Variants in CAMK1D observed in about 807,000 individuals in gnomAD.
CAMK1D encodes calcium/calmodulin dependent protein kinase ID.
In CAMK1D, 9 loss-of-function variants were observed where a neutral mutation model predicts 47.7. The ratio of observed to expected loss-of-function variants is 0.19; its 90% CI spans 0.11 to 0.33. The LOEUF is 0.33. Among genes scored for constraint, CAMK1D ranks in the 10% least tolerant of loss-of-function variants. The probability of loss-of-function intolerance (pLI) is 1.00; values close to 1 mark genes in which losing one functional copy is unlikely to be tolerated. For missense variants in CAMK1D, 291 were observed against 488.7 expected, an observed-to-expected ratio of 0.60 and a Z score of 3.81; for synonymous variants, 184 against 184.9, an observed-to-expected ratio of 0.99 and a Z score of 0.04.
intron 1 of CAMK1D, among the ~76,000 whole-genome samples, chr10:12,399,236 G>T (rs1839083639): frequency 6.6e-6 from 1 of 152,198 alleles, no homozygotes; most frequent in African/African-American, 2.4e-5. Flanking sequence ...GCTGGGCGTG[G>T]TGGCTCACAC....
chr10:12,353,864 G>C (rs147799184), intron 1 of CAMK1D, among the ~76,000 whole-genome samples: 45 of 152,220 alleles, frequency 3.0e-4, no homozygotes, highest in South Asian at 1.0e-3. Flanking sequence ...ATTTCTGTTG[G>C]TGTATTTGCC....
intron 1 of CAMK1D, among the ~76,000 whole-genome samples, chr10:12,532,348 C>T (rs1312761700): frequency 1.2e-4 from 18 of 150,026 alleles, no homozygotes; most frequent in South Asian, 2.1e-4. Context: ...GGCGGGATCT[C>T]GGCTCACTGC....
chr10:12,425,728 G>A (rs1840209089), intron 1 of CAMK1D, among the ~76,000 whole-genome samples: 1 of 152,246 alleles, frequency 6.6e-6, no homozygotes, highest in African/African-American at 2.4e-5. Context: ...AGCTCGCTGA[G>A]GTTAGTTGAG....
chr10:12,741,883 A>G (rs1371174489), intron 3 of CAMK1D, among the ~76,000 whole-genome samples: 2 of 152,058 alleles, frequency 1.3e-5, no homozygotes, highest in African/African-American at 4.8e-5. Context: ...GGACATTTAC[A>G]TCCTCTCATT....
At chr10:12,503,152 ATGCATG>A (rs1245946078) in intron 1 of CAMK1D, among the ~76,000 whole-genome samples, 1 of 152,174 alleles carries the variant, frequency 6.6e-6, no homozygotes, top group Non-Finnish European at 1.5e-5. Flanking sequence ...AGGTGAATAT[ATGCATG>A]TGCATGTGTG....
intron 2 of CAMK1D, 111 bp from the exon 3 acceptor site, chr10:12,666,625 G>C (rs1043811999): frequency 9.8e-6 from 8 of 813,062 alleles, no homozygotes; most frequent in African/African-American, 6.9e-5. Context: ...AAATCTTTTT[G>C]TTCAGGAGTT....
intron 3 of CAMK1D, among the ~76,000 whole-genome samples, chr10:12,688,633 G>A (rs1832749298): frequency 6.6e-6 from 1 of 152,092 alleles, no homozygotes; most frequent in South Asian, 2.1e-4. Flanking sequence ...AACGCTGGCA[G>A]CATTAGTTTA....
At chr10:12,734,559 TAC>T (rs1835092954) in intron 3 of CAMK1D, among the ~76,000 whole-genome samples, 3 of 147,674 alleles carry the variant, frequency 2.0e-5, no homozygotes, top group African/African-American at 7.6e-5. Flanking sequence ...TGTATATATA[TAC>T]ACATATGTGT....
chr10:12,389,005 A>G (rs1013768056), intron 1 of CAMK1D, among the ~76,000 whole-genome samples: 5 of 152,144 alleles, frequency 3.3e-5, no homozygotes, highest in African/African-American at 1.2e-4. Flanking sequence ...CCCGCAGCTG[A>G]TGGAGACACC....
chr10:12,458,413 AT>A lies in CAMK1D; in HGVS notation c.93-94805del, dbSNP rs529324046. Among the ~76,000 whole-genome samples the A allele has an allele frequency of 2.2e-3, 339 of 151,320 alleles. 1 individual carries two copies. The highest frequency in any genetic ancestry group is 4.2e-3 in the Non-Finnish European group (287 of 67,862). On this transcript the variant is annotated intron_variant, in intron 1 of 10. Transcript: ENST00000619168. ...TGTTCATCATGCATTTGCAAACAGT[AT>A]TTTTTTAATTTTATTTTTTAAAGAC...
intron 2 of CAMK1D, among the ~76,000 whole-genome samples, chr10:12,643,083 C>T (rs896804405): frequency 1.3e-5 from 2 of 152,116 alleles, no homozygotes; most frequent in Non-Finnish European, 2.9e-5. Context: ...CTCACTGCAA[C>T]CTCCGCCTCC....
intron 1 of CAMK1D, among the ~76,000 whole-genome samples, chr10:12,386,924 G>C (rs575679502): frequency 6.6e-6 from 1 of 152,038 alleles, no homozygotes; most frequent in South Asian, 2.1e-4. Flanking sequence ...TTACTCAGCC[G>C]GGCGCAGTAG....
At chr10:12,692,999 C>G (rs908301831) in intron 3 of CAMK1D, among the ~76,000 whole-genome samples, 1 of 152,178 alleles carries the variant, frequency 6.6e-6, no homozygotes, top group African/African-American at 2.4e-5. Flanking sequence ...ACATTTCAAT[C>G]AGTAGACTTT....
chr10:12,539,665 A>T (rs1283975047), intron 1 of CAMK1D, among the ~76,000 whole-genome samples: 31 of 152,210 alleles, frequency 2.0e-4, no homozygotes, highest in Admixed American at 2.0e-3. Flanking sequence ...CCCTGCAGGG[A>T]GAAATCTGTC....
intron 2 of CAMK1D, among the ~76,000 whole-genome samples, chr10:12,573,844 T>C (rs1043734351): frequency 2.3e-5 from 3 of 132,210 alleles, no homozygotes; most frequent in African/African-American, 8.3e-5. Flanking sequence ...TTTTTTTTTT[T>C]TTTTTTTTTT....
At chr10:12,401,335 T>C (rs1415561267) in intron 1 of CAMK1D, among the ~76,000 whole-genome samples, 3 of 109,358 alleles carry the variant, frequency 2.7e-5, no homozygotes, top group Non-Finnish European at 3.5e-5. Context: ...TTTATATATA[T>C]ATAATATATA....
intron 1 of CAMK1D, among the ~76,000 whole-genome samples, chr10:12,476,477 A>G (rs1276467935): frequency 1.3e-5 from 2 of 152,178 alleles, no homozygotes; most frequent in Non-Finnish European, 2.9e-5. Context: ...CAGGGTAAAG[A>G]TAATTACAAT....
chr10:12,586,608 C>T (rs1837826351), intron 2 of CAMK1D, among the ~76,000 whole-genome samples: 1 of 152,120 alleles, frequency 6.6e-6, no homozygotes, highest in Admixed American at 6.6e-5. Flanking sequence ...TGACCCACAG[C>T]CCACCTGCAG....
intron 2 of CAMK1D, among the ~76,000 whole-genome samples, chr10:12,665,983 G>T (rs999345962): frequency 6.6e-6 from 1 of 152,056 alleles, no homozygotes; most frequent in Non-Finnish European, 1.5e-5. Flanking sequence ...TAGATTATCT[G>T]AGCATCTTAT....
Sources: gnomAD v4.1 joint callset for allele counts (sites outside exome capture counted in the v4.1 genomes callset) on GRCh38, gnomAD v4.1.1 for gene constraint, MANE v1.5 for transcripts, NCBI Gene and HGNC (gene_info 2026-07-23, HGNC 2026-07-21) for gene names.